The following BACH2 variants were observed in gnomAD, a reference collection of about 807,000 sequenced individuals.
BACH2 encodes BACH transcriptional regulator 2.
In BACH2, 5 loss-of-function variants were observed where a neutral mutation model predicts 61.8. The ratio of observed to expected loss-of-function variants is 0.08; its 90% CI spans 0.04 to 0.17. BACH2 has a LOEUF of 0.17. Among genes scored for constraint, BACH2 ranks in the 10% least tolerant of loss-of-function variants. The pLI is 1.00. For missense variants in BACH2, 824 were observed against 1,091.1 expected (o/e 0.76, Z 3.45); for synonymous variants, 446 against 440.1 (o/e 1.01, Z -0.17).
At chr6:90,116,888 A>T (rs969978307) in intron 4 of BACH2, 5 of 607,994 alleles carry the variant, frequency 8.2e-6, no homozygotes, top group Admixed American at 3.3e-5. Context: ...GGACCAAGGG[A>T]TGTCTTTTTT....
At chr6:90,260,034 T>C (rs1324781097) in intron 2 of BACH2, among the ~76,000 whole-genome samples, 5 of 152,256 alleles carry the variant, frequency 3.3e-5, no homozygotes, top group African/African-American at 1.2e-4. Context: ...TCCTGTGGCT[T>C]TTCTATTATC....
intron 3 of BACH2, among the ~76,000 whole-genome samples, chr6:90,218,424 T>C (rs1176257796): frequency 6.6e-6 from 1 of 152,082 alleles, no homozygotes; most frequent in Non-Finnish European, 1.5e-5. Flanking sequence ...AAAATTCCTA[T>C]GCTCCTCAGC....
chr6:90,086,707 G>A (rs1217551621), intron 5 of BACH2, among the ~76,000 whole-genome samples: 3 of 152,190 alleles, frequency 2.0e-5, no homozygotes, highest in Non-Finnish European at 4.4e-5. Flanking sequence ...GAAACTGACT[G>A]ACAGCAAAGG....
At chr6:90,025,497 TG>T (rs1778590568) in intron 5 of BACH2, among the ~76,000 whole-genome samples, 1 of 152,226 alleles carries the variant, frequency 6.6e-6, no homozygotes, top group East Asian at 1.9e-4. Flanking sequence ...TATTAGCATG[TG>T]CTTCATGCCT....
intron 6 of BACH2, among the ~76,000 whole-genome samples, chr6:89,961,453 C>A (rs1774739636): frequency 6.6e-6 from 1 of 152,090 alleles, no homozygotes; most frequent in South Asian, 2.1e-4. Flanking sequence ...GAAAAAATTA[C>A]CTAATTTCCA....
chr6:90,224,300 T>C (rs1769838000), intron 3 of BACH2, among the ~76,000 whole-genome samples: 1 of 152,206 alleles, frequency 6.6e-6, no homozygotes, highest in Non-Finnish European at 1.5e-5. Flanking sequence ...CTAAGTGATG[T>C]GTGTGGTGTT....
At chr6:90,185,018 T>C (rs1736127589) in intron 4 of BACH2, among the ~76,000 whole-genome samples, 1 of 152,210 alleles carries the variant, frequency 6.6e-6, no homozygotes, top group South Asian at 2.1e-4. Context: ...TACCAGAAGC[T>C]GAATGTCAGC....
intron 5 of BACH2, among the ~76,000 whole-genome samples, chr6:90,028,397 C>T (rs371762435): frequency 2.9e-4 from 44 of 152,296 alleles, no homozygotes; most frequent in African/African-American, 6.3e-4. Flanking sequence ...GTTAAAAGTG[C>T]GTGCTTTGGA....
At chr6:90,052,274 A>ATTT (rs1016191106) in intron 5 of BACH2, among the ~76,000 whole-genome samples, 1 of 152,120 alleles carries the variant, frequency 6.6e-6, no homozygotes, top group Non-Finnish European at 1.5e-5. Flanking sequence ...GAAACATGAA[A>ATTT]TTTCTCTATA....
chr6:89,994,293 T>C (rs774366768), intron 6 of BACH2, among the ~76,000 whole-genome samples: 4 of 152,188 alleles, frequency 2.6e-5, no homozygotes, highest in East Asian at 1.9e-4. Flanking sequence ...AGTCAGACAG[T>C]TGGAAAAACA....
intron 4 of BACH2, among the ~76,000 whole-genome samples, chr6:90,112,444 A>G (rs1321828547): frequency 6.6e-6 from 1 of 152,192 alleles, no homozygotes; most frequent in Non-Finnish European, 1.5e-5. Context: ...TTCACGGCCT[A>G]TATTCAACAT....
intron 4 of BACH2, among the ~76,000 whole-genome samples, chr6:90,163,528 C>G (rs1767479436): frequency 6.6e-6 from 1 of 151,856 alleles, no homozygotes; most frequent in African/African-American, 2.4e-5. Flanking sequence ...CAGCTAAGCC[C>G]TGATTTTTCA....
chr6:90,120,766 G>A (rs1288140064), intron 4 of BACH2, among the ~76,000 whole-genome samples: 1 of 152,202 alleles, frequency 6.6e-6, no homozygotes, highest in Non-Finnish European at 1.5e-5. Context: ...AAAATATACT[G>A]ACCAATACTG....
At chr6:90,192,607 T>C (rs57465823) in intron 4 of BACH2, among the ~76,000 whole-genome samples, 2,009 of 152,290 alleles carry the variant, frequency 0.013, 52 homozygotes, top group African/African-American at 0.046. Flanking sequence ...TTTTCAGCAA[T>C]AGTAGAACAT....
intron 4 of BACH2, among the ~76,000 whole-genome samples, chr6:90,137,469 G>A (rs999720945): frequency 6.6e-6 from 1 of 152,132 alleles, no homozygotes; most frequent in Non-Finnish European, 1.5e-5. Context: ...TTAGGGTGGG[G>A]CAAGGAGAAT....
At chr6:90,013,891 G>A (rs1376187592) in intron 5 of BACH2, among the ~76,000 whole-genome samples, 1 of 151,762 alleles carries the variant, frequency 6.6e-6, no homozygotes, top group Non-Finnish European at 1.5e-5. Context: ...GCAATCTCCT[G>A]CCTCTGCCTC....
chr6:90,201,498 T>C (rs1768955313), intron 4 of BACH2, among the ~76,000 whole-genome samples: 3 of 152,228 alleles, frequency 2.0e-5, no homozygotes, highest in Admixed American at 2.0e-4. Context: ...CTTTCTGTTC[T>C]TGGCCCATTT....
intron 4 of BACH2, among the ~76,000 whole-genome samples, chr6:90,162,193 T>C (rs1785216280): frequency 6.6e-6 from 1 of 152,232 alleles, no homozygotes; most frequent in African/African-American, 2.4e-5. Flanking sequence ...TATAAATTGA[T>C]GGAGCTTTAT....
At chr6:90,232,644 G>A (rs1339218107) in intron 3 of BACH2, among the ~76,000 whole-genome samples, 1 of 152,162 alleles carries the variant, frequency 6.6e-6, no homozygotes, top group Non-Finnish European at 1.5e-5. Context: ...GTGCAGTAGG[G>A]CTGCATGTCA....
Sources: allele counts gnomAD v4.1 joint callset (sites outside exome capture counted in the v4.1 genomes callset), GRCh38; gene constraint gnomAD v4.1.1; transcripts MANE v1.5; gene names NCBI Gene and HGNC (gene_info 2026-07-23, HGNC 2026-07-21).